ABCB9: variants seen among roughly 807,000 people sequenced by gnomAD.
ABCB9 encodes ATP binding cassette subfamily B member 9, also known as ABC-type oligopeptide transporter ABCB9.
ABCB9 carries 36 observed loss-of-function variants against 62.0 expected under a neutral mutation model. That is an observed-to-expected ratio of 0.58 (90% CI 0.45 to 0.77). ABCB9 has a LOEUF of 0.77. ABCB9 is among the 30% of genes least tolerant of loss of function. The pLI, the probability that ABCB9 is intolerant of heterozygous loss-of-function variation, is 0.00. For missense variants in ABCB9, 943 were observed against 1,054.7 expected (o/e 0.89, Z 1.47); for synonymous variants, 435 against 461.4 (o/e 0.94, Z 0.73).
At chr12:122,933,112 C>T (rs964174684) in intron 10 of ABCB9, among the ~76,000 whole-genome samples, 1 of 152,160 alleles carries the variant, frequency 6.6e-6, no homozygotes, top group Admixed American at 6.5e-5. Flanking sequence ...AAGCTGTTCT[C>T]AAACCCCTGG....
chr12:122,934,072 C>T lies in ABCB9; in HGVS notation c.1903+1200G>A, dbSNP rs779663090. On this transcript the variant is annotated intron_variant, in intron 10 of 11. Coordinates refer to ENST00000280560, the MANE Select transcript of ABCB9 (RefSeq NM_019625.4). ...CAGCCTGGCCAAAATAGTGAAACCCCGTCTCTACTAACAATACAAAAAAAA... is the reference window on the plus strand; with the variant it reads ...CAGCCTGGCCAAAATAGTGAAACCCTGTCTCTACTAACAATACAAAAAAAA... 1.6e-4 allele frequency among the ~76,000 whole-genome samples: 24 copies of T among 152,044 alleles called. 1 individual carries two copies. Among genetic ancestry groups the T allele is most frequent in the Non-Finnish European group, 1.5e-4 (10 of 68,022 alleles).
rs905905995 is a variant in ABCB9, at chr12:122,948,548, C to G, written c.1053+76G>C. On this transcript the variant is annotated intron_variant, in intron 5 of 11. Coordinates refer to ENST00000280560, the MANE Select transcript of ABCB9 (RefSeq NM_019625.4). ...CTGTCCTTCACTAGCCCTTAGTGGC[C>G]CCCTGAGCCCCTCCTAAGGGGATGT... is the stretch of plus-strand genomic sequence containing the variant. 20 of 1,380,158 alleles carry G rather than the reference C, an allele frequency of 1.4e-5. No individual in the cohort carries two copies. In the African/African-American group the frequency reaches 2.6e-4, roughly 18 times the overall value. The allele number at this position is 1,380,158 out of a possible 1,614,324, so 85.5% of individuals were successfully genotyped here.
At chr12:122,925,414 C>T (rs2034871539), downstream of ABCB9, among the ~76,000 whole-genome samples, 1 of 152,000 alleles carries the variant, frequency 6.6e-6, no homozygotes, top group African/African-American at 2.4e-5. Context: ...CACTCCCAGG[C>T]ATCTACCCAA....
chr12:122,965,729 C>CT (rs77571044), intron 1 of ABCB9, among the ~76,000 whole-genome samples: 331 of 143,820 alleles, frequency 2.3e-3, no homozygotes, highest in Middle Eastern at 3.7e-3. Flanking sequence ...GGGGAGGAGG[C>CT]TTTTTTTTTT....
Position 122,929,811 on chromosome 12 carries a change from T to C in ABCB9, c.*100A>G, listed in dbSNP as rs1381565857. ...GACATGGCAGGTCGTCTTTCAGTGCTGCAGGCCTGGGCTCGGAGGGCAGCT... is the reference window on the plus strand; with the variant it reads ...GACATGGCAGGTCGTCTTTCAGTGCCGCAGGCCTGGGCTCGGAGGGCAGCT... On this transcript the variant is annotated 3_prime_UTR_variant, in exon 12 of 12. Coordinates refer to ENST00000280560, the MANE Select transcript of ABCB9 (RefSeq NM_019625.4). This position sits in a 1 kb window ranked among gnomAD's most constrained non-coding sequence, Gnocchi z 6.0. The C allele has an allele frequency of 4.9e-6, 7 of 1,436,866 alleles. No individual in the cohort carries two copies. In the East Asian group the frequency reaches 1.7e-4, roughly 35 times the overall value. The allele number at this position is 1,436,866 out of a possible 1,614,324, so 89.0% of individuals were successfully genotyped here.
chr12:122,948,942 G>T, intron 4 of ABCB9, 113 bp from the exon 5 acceptor site: 1 of 839,394 alleles, frequency 1.2e-6, no homozygotes, highest in Non-Finnish European at 1.7e-6. Context: ...CTCCCTACCT[G>T]TGGGCGGGGT....
intron 1 of ABCB9, chr12:122,974,623 T>C (rs1257925724): frequency 2.0e-5 from 3 of 152,282 alleles, no homozygotes; most frequent in Non-Finnish European, 4.4e-5. Flanking sequence ...CCACGCCCCG[T>C]CGCCCTCCCA....
At chr12:122,924,790 T>G, downstream of ABCB9, 2 of 1,534,842 alleles carry the variant, frequency 1.3e-6, no homozygotes, top group Non-Finnish European at 1.7e-6. Flanking sequence ...GCAATTACTT[T>G]CTCCTGGTTT....
downstream of ABCB9, among the ~76,000 whole-genome samples, chr12:122,925,156 A>G (rs2034859380): frequency 6.6e-6 from 1 of 152,138 alleles, no homozygotes; most frequent in South Asian, 2.1e-4. Flanking sequence ...CGTGGGCTCA[A>G]GCGATCTGCC....
intron 1 of ABCB9, among the ~76,000 whole-genome samples, chr12:122,965,631 C>A (rs1464299451): frequency 1.3e-5 from 2 of 152,214 alleles, no homozygotes; most frequent in Non-Finnish European, 2.9e-5. Flanking sequence ...TCTTGTCACC[C>A]GGCCCTGCAC....
At chr12:122,948,911 A>C in intron 4 of ABCB9, 82 bp from the exon 5 acceptor site, 1 of 1,208,248 alleles carries the variant, frequency 8.3e-7, no homozygotes, top group African/African-American at 1.6e-5. Context: ...GGCCTCTGAG[A>C]CAGACACTGG....
Position 122,974,880 on chromosome 12 carries a change from G to T in ABCB9, c.-253C>A, listed in dbSNP as rs181350670. On this transcript the variant is annotated 5_prime_UTR_variant, in exon 1 of 12. Transcript: ENST00000392439. ...GAGCTCTTTAAACTGTCCTCAGCTC[G>T]GCTGGTTCTCCACGAGCTCCGGGCA... is the stretch of plus-strand genomic sequence containing the variant. 4.7e-4 allele frequency: 85 copies of T among 181,830 alleles called. No homozygotes were observed. The East Asian group carries it at 0.01, about 22-fold the overall frequency. 11.3% of individuals were successfully genotyped at this position (181,830 alleles called of 1,614,324 possible). A position where few individuals can be genotyped will look rare whatever the true frequency, so the allele number is the denominator to read the frequency against.
intron 6 of ABCB9, among the ~76,000 whole-genome samples, chr12:122,945,215 AG>A (rs2035970202): frequency 1.3e-5 from 2 of 152,154 alleles, no homozygotes; most frequent in Admixed American, 6.5e-5. Context: ...TGGCAGCACC[AG>A]GAAGTCCCAG....
intron 2 of ABCB9, among the ~76,000 whole-genome samples, chr12:122,954,087 TGAG>T (rs1472464674): frequency 6.6e-6 from 1 of 151,856 alleles, no homozygotes; most frequent in Non-Finnish European, 1.5e-5. Context: ...GAGGATCACT[TGAG>T]CTGGAGAGGT....
intron 6 of ABCB9, among the ~76,000 whole-genome samples, chr12:122,945,606 G>T (rs886417716): frequency 6.6e-6 from 1 of 152,172 alleles, no homozygotes; most frequent in Non-Finnish European, 1.5e-5. Flanking sequence ...AGCAGGGCGC[G>T]GTGGCTCACG....
In ABCB9 at chr12:122,932,111, G is replaced by A. The variant is rs1180719529; in HGVS notation, c.2040+81C>T. 3.2e-6 allele frequency: 5 copies of A among 1,546,728 alleles called. No individual in the cohort carries two copies. Among genetic ancestry groups the A allele is most frequent in the Admixed American group, 3.9e-5 (2 of 50,998 alleles). Reference sequence around the variant, plus strand: ...AGCTCCTGGGGCCCGTCTCTTCTCAGCATCCATCTGCTGGGCGATGGGGGC... The same window carrying A: ...AGCTCCTGGGGCCCGTCTCTTCTCAACATCCATCTGCTGGGCGATGGGGGC... On this transcript the variant is annotated intron_variant, in intron 11 of 11. Coordinates refer to ENST00000280560, the MANE Select transcript of ABCB9 (RefSeq NM_019625.4). The surrounding 1 kb of genome is among the most constrained non-coding windows in gnomAD (Gnocchi z 4.7).
chr12:122,940,001 T>C lies in ABCB9; in HGVS notation c.1743+110A>G. ...GGCATTGTAATTGGTGATAATTCTTTGAACTGTCCATTTATCTCTAGTGCC... is the reference window on the plus strand; with the variant it reads ...GGCATTGTAATTGGTGATAATTCTTCGAACTGTCCATTTATCTCTAGTGCC... On this transcript the variant is annotated intron_variant, in intron 9 of 11. Coordinates refer to ENST00000280560, the MANE Select transcript of ABCB9 (RefSeq NM_019625.4). This position sits in a 1 kb window ranked among gnomAD's most constrained non-coding sequence, Gnocchi z 4.8. 1 of 1,367,484 alleles carries C rather than the reference T, an allele frequency of 7.3e-7. No individual in the cohort carries two copies. Among genetic ancestry groups the C allele is most frequent in the Non-Finnish European group, 9.9e-7 (1 of 1,012,052 alleles). 84.7% of individuals were successfully genotyped at this position (1,367,484 alleles called of 1,614,324 possible). A position where few individuals can be genotyped will look rare whatever the true frequency, so the allele number is the denominator to read the frequency against.
chr12:122,944,364 G>A lies in ABCB9; in HGVS notation c.1380+27C>T. 1 of 1,571,932 alleles carries A rather than the reference G, an allele frequency of 6.4e-7. No homozygotes were observed. Among genetic ancestry groups the A allele is most frequent in the Non-Finnish European group, 8.7e-7 (1 of 1,153,084 alleles). On this transcript the variant is annotated intron_variant, in intron 7 of 11. Coordinates refer to ENST00000280560, the MANE Select transcript of ABCB9 (RefSeq NM_019625.4). The surrounding 1 kb of genome is among the most constrained non-coding windows in gnomAD (Gnocchi z 4.9). ...TTCCCCAAACTCCTCCCTTCTCTCT[G>A]GATCCCCGGACACACTGGCCTCTCA...
At chr12:122,920,816 G>A, downstream of ABCB9, 1 of 505,250 alleles carries the variant, frequency 2.0e-6, no homozygotes, top group Non-Finnish European at 3.5e-6. Flanking sequence ...GGGAGGGTGA[G>A]GTGGGAGGCT....
Sources: gnomAD v4.1 joint callset for allele counts (sites outside exome capture counted in the v4.1 genomes callset) on GRCh38, gnomAD v4.1.1 for gene constraint, Gnocchi (gnomAD v3.1) non-coding constraint, MANE v1.5 for transcripts, NCBI Gene and HGNC (gene_info 2026-07-23, HGNC 2026-07-21) for gene names.